The following LOC128092252 variants were observed in gnomAD, a reference collection of about 807,000 sequenced individuals.
At chr15:50,670,810 G>GAAA in the LOC128092252 span, among the ~76,000 whole-genome samples, 350 of 113,510 alleles carry the variant, frequency 3.1e-3, no homozygotes, top group Admixed American at 5.5e-3. Context: ...AAAAGAAAAA[G>GAAA]AAAAAAAAAA....
At chr15:50,677,881 AT>A in the LOC128092252 span, among the ~76,000 whole-genome samples, 1 of 152,086 alleles carries the variant, frequency 6.6e-6, no homozygotes, top group African/African-American at 2.4e-5. Flanking sequence ...CGGTAATCAA[AT>A]TAAAAGAAAT....
the LOC128092252 span, among the ~76,000 whole-genome samples, chr15:50,683,647 G>A: frequency 6.6e-5 from 10 of 152,150 alleles, no homozygotes; most frequent in African/African-American, 2.2e-4. Flanking sequence ...CAGCAGAATC[G>A]CTTGAACCAG....
chr15:50,668,136 T>A, the LOC128092252 span, among the ~76,000 whole-genome samples: 1 of 152,232 alleles, frequency 6.6e-6, no homozygotes, highest in African/African-American at 2.4e-5. Flanking sequence ...AGGTGGTTTA[T>A]AATCAGCTAT....
At chr15:50,684,787 C>A in the LOC128092252 span, among the ~76,000 whole-genome samples, 1 of 152,062 alleles carries the variant, frequency 6.6e-6, no homozygotes, top group Admixed American at 6.5e-5. Flanking sequence ...GTAAAAGACA[C>A]CCCCACACCC....
At chr15:50,671,812 A>T in the LOC128092252 span, among the ~76,000 whole-genome samples, 2 of 152,126 alleles carry the variant, frequency 1.3e-5, no homozygotes, top group Non-Finnish European at 1.5e-5. Flanking sequence ...TCGAAAAAAA[A>T]AAATTCCTAT....
chr15:50,662,497 T>C, the LOC128092252 span, among the ~76,000 whole-genome samples: 280 of 152,260 alleles, frequency 1.8e-3, 2 homozygotes, highest in African/African-American at 6.5e-3. Flanking sequence ...GATAATAGAT[T>C]TTCCAGTAAA....
the LOC128092252 span, among the ~76,000 whole-genome samples, chr15:50,667,318 A>T: frequency 6.6e-6 from 1 of 152,182 alleles, no homozygotes; most frequent in Non-Finnish European, 1.5e-5. Context: ...AAATTGGCAA[A>T]TGAAAGACCT....
the LOC128092252 span, among the ~76,000 whole-genome samples, chr15:50,672,890 C>G: frequency 1.0e-5 from 1 of 95,860 alleles, no homozygotes; most frequent in Non-Finnish European, 1.8e-5. Context: ...CAGAGTGAGA[C>G]TCTGTCTCAA....
At chr15:50,676,347 T>G in the LOC128092252 span, among the ~76,000 whole-genome samples, 1 of 152,062 alleles carries the variant, frequency 6.6e-6, no homozygotes, top group Non-Finnish European at 1.5e-5. Context: ...ATATTAAAAT[T>G]AGAAAATTCT....
the LOC128092252 span, chr15:50,686,519 T>A: frequency 6.2e-7 from 1 of 1,613,866 alleles, no homozygotes; most frequent in South Asian, 1.1e-5. Flanking sequence ...CGGGCCTGCG[T>A]GGGTCCAGTA....
the LOC128092252 span, among the ~76,000 whole-genome samples, chr15:50,671,649 A>G: frequency 4.6e-5 from 7 of 150,742 alleles, no homozygotes; most frequent in South Asian, 8.4e-4. Context: ...TCGCTACAAA[A>G]GTTTTTTTTA....
chr15:50,685,375 T>A, the LOC128092252 span, among the ~76,000 whole-genome samples: 1 of 152,222 alleles, frequency 6.6e-6, no homozygotes, highest in South Asian at 2.1e-4. Flanking sequence ...GAGAATCGCC[T>A]GAATCCCGGA....
At chr15:50,678,237 CT>C in the LOC128092252 span, among the ~76,000 whole-genome samples, 3 of 98,196 alleles carry the variant, frequency 3.1e-5, 1 homozygote, top group African/African-American at 1.1e-4. Flanking sequence ...GAGACTCTCT[CT>C]CAAAAAAAAA....
the LOC128092252 span, chr15:50,686,573 C>T: frequency 6.3e-7 from 1 of 1,599,356 alleles, no homozygotes; most frequent in Non-Finnish European, 8.5e-7. Flanking sequence ...AGCAACTCCA[C>T]CTCCTCCTCC....
chr15:50,659,370 A>G, the LOC128092252 span, among the ~76,000 whole-genome samples: 1 of 152,186 alleles, frequency 6.6e-6, no homozygotes, highest in African/African-American at 2.4e-5. Context: ...ATTTTTTATT[A>G]GCAAGGTAAA....
At chr15:50,672,271 T>C in the LOC128092252 span, among the ~76,000 whole-genome samples, 2 of 152,082 alleles carry the variant, frequency 1.3e-5, no homozygotes, top group South Asian at 2.1e-4. Flanking sequence ...CAGGATGTTC[T>C]GGATCTCCTG....
the LOC128092252 span, among the ~76,000 whole-genome samples, chr15:50,652,939 A>C: frequency 6.6e-6 from 1 of 152,190 alleles, no homozygotes; most frequent in South Asian, 2.1e-4. Flanking sequence ...AAGTGGAAGG[A>C]TCACTTGAGC....
the LOC128092252 span, among the ~76,000 whole-genome samples, chr15:50,665,377 A>G: frequency 4.2e-4 from 63 of 148,812 alleles, no homozygotes; most frequent in Non-Finnish European, 7.9e-4. Flanking sequence ...CTGGGTGAAA[A>G]GAGTAAAACT....
chr15:50,685,400 T>C, the LOC128092252 span, among the ~76,000 whole-genome samples: 1 of 152,226 alleles, frequency 6.6e-6, no homozygotes, highest in East Asian at 1.9e-4. Context: ...GATGTTGCAG[T>C]GAGCGGAGAT....
Sources: allele counts gnomAD v4.1 joint callset (sites outside exome capture counted in the v4.1 genomes callset), GRCh38; gene constraint gnomAD v4.1.1; transcripts MANE v1.5.